Variants in TBC1D5 observed in about 807,000 individuals in gnomAD.
TBC1D5 encodes the protein TBC1 domain family, member 5.
TBC1D5 carries 75 observed loss-of-function variants against 100.3 expected under a neutral mutation model. That is an observed-to-expected ratio of 0.75 (90% CI 0.62 to 0.91). TBC1D5 has a LOEUF of 0.91. Among genes scored for constraint, TBC1D5 ranks in the 40% least tolerant of loss-of-function variants. TBC1D5 has a pLI of 0.00. For missense variants in TBC1D5, 910 were observed against 942.4 expected, an observed-to-expected ratio of 0.97 and a Z score of 0.45; for synonymous variants, 323 against 325.6, an observed-to-expected ratio of 0.99 and a Z score of 0.09.
chr3:17,277,554 A>G (rs976274926), intron 15 of TBC1D5, among the ~76,000 whole-genome samples: 1 of 152,226 alleles, frequency 6.6e-6, no homozygotes, highest in Non-Finnish European at 1.5e-5. Context: ...TCGGTATTCC[A>G]ACCATGAATG....
intron 3 of TBC1D5, among the ~76,000 whole-genome samples, chr3:17,464,066 C>T (rs923004611): frequency 3.3e-5 from 5 of 151,570 alleles, no homozygotes; most frequent in Non-Finnish European, 5.9e-5. Context: ...ATTCTCCTGC[C>T]TCAGCCTTCC....
chr3:17,451,472 T>C (rs2094925853), intron 3 of TBC1D5, among the ~76,000 whole-genome samples: 1 of 152,026 alleles, frequency 6.6e-6, no homozygotes, highest in South Asian at 2.1e-4. Flanking sequence ...TCAGTTAGAA[T>C]GGTGATCATC....
chr3:17,534,230 A>G lies in TBC1D5; in HGVS notation c.-35-25625T>C, dbSNP rs534881210. On this transcript the variant is annotated intron_variant, in intron 2 of 21. Transcript: ENST00000253692. ...AGGATGCAGAAGCATTGTTTCTAAC[A>G]TACTATGGGGAGAAATTTAATGACA... Among the ~76,000 whole-genome samples, 16 of 152,274 alleles carry G rather than the reference A, an allele frequency of 1.1e-4. No individual in the cohort carries two copies. In the South Asian group the frequency reaches 3.3e-3, roughly 32 times the overall value.
chr3:17,700,371 A>G (rs1247797244), intron 1 of TBC1D5, among the ~76,000 whole-genome samples: 2 of 152,230 alleles, frequency 1.3e-5, no homozygotes, highest in African/African-American at 2.4e-5. Flanking sequence ...AAAACCATAA[A>G]AACCCTAGAA....
intron 13 of TBC1D5, among the ~76,000 whole-genome samples, chr3:17,344,216 A>T (rs1046069405): frequency 1.3e-5 from 2 of 152,104 alleles, no homozygotes; most frequent in African/African-American, 4.8e-5. Flanking sequence ...ACTTCAGCAA[A>T]GTCTCAGGAT....
At chr3:17,334,415 G>GT (rs2087360595) in intron 13 of TBC1D5, among the ~76,000 whole-genome samples, 1 of 152,096 alleles carries the variant, frequency 6.6e-6, no homozygotes, top group East Asian at 1.9e-4. Flanking sequence ...GATATTTTAT[G>GT]TAAGACATTT....
At chr3:17,162,156 G>C (rs538027370) in intron 21 of TBC1D5, among the ~76,000 whole-genome samples, 1 of 152,366 alleles carries the variant, frequency 6.6e-6, no homozygotes, top group South Asian at 2.1e-4. Flanking sequence ...GTAAGGTGAT[G>C]TAGTGCCCAC....
In TBC1D5 at chr3:17,562,694, T is replaced by C. The variant is rs749823310; in HGVS notation, c.-35-54089A>G. Among the ~76,000 whole-genome samples, 39 of 152,158 alleles carry C rather than the reference T, an allele frequency of 2.6e-4. No homozygotes were observed. The Middle Eastern group carries it at 0.014, about 53-fold the overall frequency. On this transcript the variant is annotated intron_variant, in intron 2 of 21. Coordinates refer to ENST00000253692, the Ensembl canonical transcript of TBC1D5. ...TTGGTGCATTGTGAAAACCTAGATA[T>C]AAAAAAATGTGTGACTTGTTTGAAG...
chr3:17,335,681 C>G (rs373164174), intron 13 of TBC1D5, among the ~76,000 whole-genome samples: 13 of 152,048 alleles, frequency 8.5e-5, no homozygotes, highest in Non-Finnish European at 1.5e-5. Context: ...CAATGATCTA[C>G]GTTTTAAGGA....
intron 2 of TBC1D5, chr3:17,586,512 A>T (rs1442452099): frequency 6.6e-6 from 1 of 152,124 alleles, no homozygotes; most frequent in Non-Finnish European, 1.5e-5. Context: ...AAACAGAGAC[A>T]AACTAAGTTC....
intron 4 of TBC1D5, among the ~76,000 whole-genome samples, chr3:17,410,525 G>A (rs926093057): frequency 6.6e-6 from 1 of 152,028 alleles, no homozygotes; most frequent in Non-Finnish European, 1.5e-5. Context: ...GACAGATCTG[G>A]GCAAAGTGAA....
intron 2 of TBC1D5, among the ~76,000 whole-genome samples, chr3:17,583,364 G>A (rs189151130): frequency 8.6e-5 from 13 of 151,880 alleles, no homozygotes; most frequent in South Asian, 8.4e-4. Flanking sequence ...GTCATTTATC[G>A]GTATCATAAG....
chr3:17,406,229 T>TA (rs1368598229), intron 5 of TBC1D5, among the ~76,000 whole-genome samples, 189 bp downstream of exon 5: 1 of 152,080 alleles, frequency 6.6e-6, no homozygotes, highest in Non-Finnish European at 1.5e-5. Context: ...CGTTATCACT[T>TA]ACTCAGGACT....
chr3:17,376,669 G>A, intron 9 of TBC1D5, 56 bp from the exon 10 acceptor site: 1 of 1,508,536 alleles, frequency 6.6e-7, no homozygotes, highest in Non-Finnish European at 9.1e-7. Context: ...TCCATTAGTG[G>A]ACAGTATAAA....
chr3:17,529,647 T>C (rs1174842761), intron 2 of TBC1D5, among the ~76,000 whole-genome samples: 9 of 151,002 alleles, frequency 6.0e-5, no homozygotes, highest in Non-Finnish European at 8.8e-5. Context: ...ATTATTATTA[T>C]TATTTTTATT....
chr3:17,308,267 G>A lies in TBC1D5; in HGVS notation c.996-133C>T. ...TATTATATATCAAAAATATAATATA[G>A]TAAAATCTATATTTTAAGCTTTCAA... On this transcript the variant is annotated intron_variant, in intron 13 of 21. Coordinates refer to ENST00000253692, the Ensembl canonical transcript of TBC1D5. The A allele has an allele frequency of 4.8e-6, 4 of 832,598 alleles. No individual in the cohort carries two copies. The African/African-American group carries it at 7.2e-5, about 15-fold the overall frequency. The allele number at this position is 832,598 out of a possible 1,614,324, so 51.6% of individuals were successfully genotyped here.
At chr3:17,307,872 A>T in intron 14 of TBC1D5, 120 bp downstream of exon 14, 1 of 1,261,482 alleles carries the variant, frequency 7.9e-7, no homozygotes, top group Non-Finnish European at 1.1e-6. Flanking sequence ...ATATTACCCT[A>T]CTACAAAAAT....
chr3:17,265,803 C>T (rs561811201), intron 15 of TBC1D5, among the ~76,000 whole-genome samples: 7 of 152,074 alleles, frequency 4.6e-5, no homozygotes, highest in African/African-American at 7.2e-5. Flanking sequence ...AAAACTCTCC[C>T]TAAAATAATT....
At chr3:17,499,937 T>C (rs2095764098) in intron 3 of TBC1D5, among the ~76,000 whole-genome samples, 1 of 149,250 alleles carries the variant, frequency 6.7e-6, no homozygotes, top group Non-Finnish European at 1.5e-5. Flanking sequence ...CCAGGAATAC[T>C]AGAAAGGATG....
Sources: allele counts gnomAD v4.1 joint callset (sites outside exome capture counted in the v4.1 genomes callset), GRCh38; gene constraint gnomAD v4.1.1; transcripts MANE v1.5; gene names NCBI Gene and HGNC (gene_info 2026-07-23, HGNC 2026-07-21).